The following TUSC3 variants were observed in gnomAD, a reference collection of about 807,000 sequenced individuals.
TUSC3 encodes the protein dolichyl-diphosphooligosaccharide--protein glycosyltransferase subunit TUSC3.
Under a neutral mutation model 44.8 loss-of-function variants are expected in TUSC3, and 45 were observed. The observed-to-expected ratio is 1.00, with a 90% CI of 0.79 to 1.29. The LOEUF (loss-of-function observed/expected upper bound fraction) is 1.29, where lower values mean the gene tolerates loss of function less well. TUSC3 is among the 50% of genes most tolerant of loss of function. TUSC3 has a pLI of 0.00. For missense variants in TUSC3, 519 were observed against 437.9 expected, an observed-to-expected ratio of 1.19 and a Z score of -1.65; for synonymous variants, 212 against 152.9, an observed-to-expected ratio of 1.39 and a Z score of -2.85.
At chr8:15,470,955 AAATGAATGAATG>A (rs34953309) in intron 1 of TUSC3, among the ~76,000 whole-genome samples, 38 of 151,868 alleles carry the variant, frequency 2.5e-4, no homozygotes, top group Non-Finnish European at 2.6e-4. Context: ...GTGAGTGGGA[AAATGAATGAATG>A]AATGAATGAA....
the TUSC3 span, among the ~76,000 whole-genome samples, chr8:15,842,680 G>A: frequency 2.0e-5 from 3 of 152,136 alleles, no homozygotes; most frequent in African/African-American, 7.2e-5. Context: ...TACCGTTCCT[G>A]CTTCCTAAGA....
chr8:15,420,871 C>G (rs898267631), intron 1 of TUSC3, among the ~76,000 whole-genome samples: 1 of 152,132 alleles, frequency 6.6e-6, no homozygotes, highest in African/African-American at 2.4e-5. Context: ...TCTCCCTAGA[C>G]TCCTAACTTT....
At chr8:15,593,085 T>TA (rs201770969) in intron 1 of TUSC3, among the ~76,000 whole-genome samples, 13 of 151,984 alleles carry the variant, frequency 8.6e-5, no homozygotes, top group African/African-American at 1.2e-4. Flanking sequence ...ATGTGCTTTT[T>TA]AAAAAAAAAT....
At chr8:15,602,083 C>G (rs1399024041) in intron 1 of TUSC3, among the ~76,000 whole-genome samples, 1 of 151,420 alleles carries the variant, frequency 6.6e-6, no homozygotes, top group Non-Finnish European at 1.5e-5. Flanking sequence ...AAAGGAAATG[C>G]TAACTGAAGC....
the TUSC3 span, among the ~76,000 whole-genome samples, chr8:15,845,977 A>C: frequency 6.6e-6 from 1 of 152,112 alleles, no homozygotes. Context: ...CACTTCTTAC[A>C]TCATGGCAGC....
intron 1 of TUSC3, among the ~76,000 whole-genome samples, chr8:15,465,462 C>T (rs1296219465): frequency 6.6e-6 from 1 of 152,140 alleles, no homozygotes; most frequent in African/African-American, 2.4e-5. Flanking sequence ...TTAAAATGAT[C>T]TCAGTCTATA....
At chr8:15,642,041 C>T (rs141990562) in intron 2 of TUSC3, among the ~76,000 whole-genome samples, 1 of 152,212 alleles carries the variant, frequency 6.6e-6, no homozygotes, top group African/African-American at 2.4e-5. Context: ...ACCAGTTATA[C>T]CTCATTGAAG....
intron 1 of TUSC3, among the ~76,000 whole-genome samples, chr8:15,610,534 C>T (rs1804713527): frequency 6.6e-6 from 1 of 152,114 alleles, no homozygotes; most frequent in Non-Finnish European, 1.5e-5. Context: ...CATCTGGCAA[C>T]AGCAATTCTT....
intron 7 of TUSC3, among the ~76,000 whole-genome samples, chr8:15,737,128 G>A (rs1810971126): frequency 6.6e-6 from 1 of 151,958 alleles, no homozygotes; most frequent in Non-Finnish European, 1.5e-5. Flanking sequence ...GTCTATTATA[G>A]AGAGCAAACA....
At chr8:15,749,445 T>G (rs1414120613) in intron 9 of TUSC3, among the ~76,000 whole-genome samples, 3 of 152,062 alleles carry the variant, frequency 2.0e-5, no homozygotes, top group African/African-American at 7.2e-5. Flanking sequence ...ACCCCCTCTA[T>G]TTTCATATGT....
chr8:15,750,531 CTTTT>C (rs1045086460), intron 9 of TUSC3, among the ~76,000 whole-genome samples: 2 of 150,690 alleles, frequency 1.3e-5, no homozygotes, highest in African/African-American at 4.9e-5. Context: ...TTAGTTTGTA[CTTTT>C]TTTTTCAAGT....
intron 1 of TUSC3, among the ~76,000 whole-genome samples, chr8:15,564,084 G>C (rs147385296): frequency 6.6e-6 from 1 of 152,164 alleles, no homozygotes; most frequent in East Asian, 1.9e-4. Flanking sequence ...TATTCTGTCA[G>C]ATAATTACTT....
upstream of TUSC3, chr8:15,540,239 T>A (rs1451623671): frequency 6.2e-6 from 5 of 800,962 alleles, no homozygotes; most frequent in Non-Finnish European, 8.8e-6. Context: ...CCAGGTCTTC[T>A]CCCGGTGAAC....
intron 2 of TUSC3, among the ~76,000 whole-genome samples, chr8:15,531,664 T>C (rs922873044): frequency 2.6e-5 from 4 of 152,248 alleles, no homozygotes; most frequent in South Asian, 2.1e-4. Context: ...AAGGCAAGAA[T>C]TGAAGTTGTT....
Position 15,673,755 on chromosome 8 carries a change from C to T in TUSC3, c.717C>T (p.Val239=), listed in dbSNP as rs759321925. 10 of 1,612,384 alleles carry T rather than the reference C, an allele frequency of 6.2e-6. No homozygotes were observed. The highest frequency in any genetic ancestry group is 8.5e-6 in the Non-Finnish European group (10 of 1,178,954). ...TGCACCCTGTTTTTCAGTGTATAGT[C>T]TTTGCTATGACTTCTGGCCAGATGT... ...TGWAMVSLCI[V]FAMTSGQMWN... The change falls in exon 6 of 11, where the codon GTC becomes GTT. Residue 239 remains valine (V), a synonymous_variant. Coordinates refer to ENST00000503731, the MANE Select transcript of TUSC3 (RefSeq NM_006765.4).
At chr8:15,780,539 AGTT>A in the TUSC3 span, among the ~76,000 whole-genome samples, 1 of 152,200 alleles carries the variant, frequency 6.6e-6, no homozygotes, top group Non-Finnish European at 1.5e-5. Flanking sequence ...AAATATTCCC[AGTT>A]GTTCTGGAAG....
chr8:15,536,244 A>C (rs1801520192), upstream of TUSC3, among the ~76,000 whole-genome samples: 2 of 152,176 alleles, frequency 1.3e-5, no homozygotes, highest in Admixed American at 1.3e-4. Flanking sequence ...AAAATAGGAA[A>C]TGATGTTAGG....
At chr8:15,601,545 G>T (rs529101031) in intron 1 of TUSC3, among the ~76,000 whole-genome samples, 10 of 151,762 alleles carry the variant, frequency 6.6e-5, no homozygotes, top group African/African-American at 1.9e-4. Context: ...TAAGCTGGAG[G>T]CCACACAGCT....
At chr8:15,640,558 T>C (rs553256355) in intron 2 of TUSC3, among the ~76,000 whole-genome samples, 2 of 152,332 alleles carry the variant, frequency 1.3e-5, no homozygotes, top group South Asian at 4.1e-4. Flanking sequence ...AGTTTTTATT[T>C]AGTTTTTCAG....
Sources: allele counts gnomAD v4.1 joint callset (sites outside exome capture counted in the v4.1 genomes callset), GRCh38; gene constraint gnomAD v4.1.1; transcripts MANE v1.5; gene names NCBI Gene and HGNC (gene_info 2026-07-23, HGNC 2026-07-21).